The following IGSF21 variants were observed in gnomAD, a reference collection of about 807,000 sequenced individuals.
IGSF21 encodes the protein immunoglobulin superfamily member 21.
IGSF21 carries 28 observed loss-of-function variants against 46.8 expected under a neutral mutation model. The ratio of observed to expected loss-of-function variants is 0.60; its 90% confidence interval spans 0.44 to 0.82. The LOEUF is 0.82. Ranked by LOEUF, IGSF21 falls within the 40% of genes least tolerant of loss-of-function variation. The pLI, the probability that IGSF21 is intolerant of heterozygous loss-of-function variation, is 0.00. For synonymous variants in IGSF21, 284 were observed against 273.6 expected (o/e 1.04, Z -0.38); for missense variants, 624 against 665.5 (o/e 0.94, Z 0.69).
In IGSF21 at chr1:18,250,616, G is replaced by C. The variant is rs223199; in HGVS notation, c.183+22606G>C. On this transcript the variant is annotated intron_variant, in intron 2 of 9. Coordinates refer to ENST00000251296, the MANE Select transcript of IGSF21 (RefSeq NM_032880.5). ...TTATAAACTAGAAAGAGGATCGCCA[G>C]GTAGTTAAAGCCAGGTTGAAATCTC... is the stretch of plus-strand genomic sequence containing the variant. Among the ~76,000 whole-genome samples, 5 of 152,234 alleles carry C rather than the reference G, an allele frequency of 3.3e-5. No homozygotes were observed. In the South Asian group the frequency reaches 1.0e-3, roughly 32 times the overall value.
At chr1:18,173,664 T>G (rs2086764731) in intron 1 of IGSF21, among the ~76,000 whole-genome samples, 1 of 152,252 alleles carries the variant, frequency 6.6e-6, no homozygotes, top group Non-Finnish European at 1.5e-5. Flanking sequence ...TCATCCCTTT[T>G]TATTGCTGTG....
chr1:18,263,116 G>A (rs1487304576), intron 2 of IGSF21, among the ~76,000 whole-genome samples: 1 of 152,282 alleles, frequency 6.6e-6, no homozygotes, highest in Non-Finnish European at 1.5e-5. Flanking sequence ...AAGAGGAGAG[G>A]TCAATGGTGG....
intron 1 of IGSF21, among the ~76,000 whole-genome samples, chr1:18,130,162 C>T (rs375021832): frequency 1.3e-5 from 2 of 152,154 alleles, no homozygotes; most frequent in Non-Finnish European, 2.9e-5. Flanking sequence ...GCACTGGACA[C>T]CACCCCCCAA....
At chr1:18,371,057 G>A (rs948715282) in intron 6 of IGSF21, among the ~76,000 whole-genome samples, 9 of 152,232 alleles carry the variant, frequency 5.9e-5, no homozygotes, top group African/African-American at 2.2e-4. Context: ...ATGACCCAAC[G>A]ATTTCACTCC....
intron 2 of IGSF21, among the ~76,000 whole-genome samples, chr1:18,258,987 T>C (rs223186): frequency 0.41 from 62,977 of 152,032 alleles, 14,231 homozygotes; most frequent in African/African-American, 0.6. Flanking sequence ...TTTTTCCCTC[T>C]CTCTCCCTTT....
At chr1:18,122,322 C>G (rs1239120136) in intron 1 of IGSF21, among the ~76,000 whole-genome samples, 3 of 150,518 alleles carry the variant, frequency 2.0e-5, no homozygotes, top group African/African-American at 7.3e-5. Flanking sequence ...TCACGAGTAG[C>G]TGGGATTACA....
chr1:18,112,292 G>T (rs1570234772), intron 1 of IGSF21: 1 of 152,208 alleles, frequency 6.6e-6, no homozygotes, highest in Non-Finnish European at 1.5e-5. Context: ...GCCAGACACG[G>T]TGCTGAGCAT....
chr1:18,376,531 A>G (rs540099084), intron 7 of IGSF21, 136 bp downstream of exon 7: 4 of 769,770 alleles, frequency 5.2e-6, no homozygotes, highest in East Asian at 2.5e-5. Flanking sequence ...CAGTTTCCCA[A>G]TGTGTAATTG....
chr1:18,308,855 C>A (rs1007859241), intron 3 of IGSF21, among the ~76,000 whole-genome samples: 3 of 152,102 alleles, frequency 2.0e-5, no homozygotes, highest in African/African-American at 7.2e-5. Context: ...GCAGAAGAGA[C>A]CCTGGATTTC....
intron 2 of IGSF21, among the ~76,000 whole-genome samples, chr1:18,273,040 T>A (rs1286609641): frequency 1.1e-5 from 1 of 94,704 alleles, no homozygotes; most frequent in African/African-American, 6.3e-5. Context: ...CAGACGGATC[T>A]TTTTTTTTTT....
At chr1:18,316,631 C>T (rs1174220133) in intron 3 of IGSF21, among the ~76,000 whole-genome samples, 1 of 152,168 alleles carries the variant, frequency 6.6e-6, no homozygotes, top group African/African-American at 2.4e-5. Flanking sequence ...GGATAAGACC[C>T]TGATTTGATT....
intron 2 of IGSF21, among the ~76,000 whole-genome samples, chr1:18,281,314 C>G (rs1250137817): frequency 6.6e-6 from 1 of 152,072 alleles, no homozygotes; most frequent in Non-Finnish European, 1.5e-5. Context: ...AATCCCAACA[C>G]TTTGGGAGGC....
At chr1:18,372,883 TGG>T in intron 6 of IGSF21, among the ~76,000 whole-genome samples, 1 of 151,596 alleles carries the variant, frequency 6.6e-6, no homozygotes, top group South Asian at 2.1e-4. Context: ...GATGGATGGA[TGG>T]ATGGATGAGT....
In IGSF21 at chr1:18,115,834, GAAGGAAGGAAGAAAGA is replaced by G. The variant is rs1256589184; in HGVS notation, c.70+7640_70+7655del. 1.5e-3 allele frequency: 139 copies of G among 92,866 alleles called. 1 individual carries two copies. Among genetic ancestry groups the G allele is most frequent in the African/African-American group, 6.4e-3 (135 of 21,134 alleles). The allele number at this position is 92,866 out of a possible 1,614,324, so 5.8% of individuals were successfully genotyped here. On this transcript the variant is annotated intron_variant, in intron 1 of 9. Coordinates refer to ENST00000251296, the MANE Select transcript of IGSF21 (RefSeq NM_032880.5). ...GGGAGGAAGACAGGAAGGAAGGAAG[GAAGGAAGGAAGAAAGA>G]AAGAAAGAAAGAAAGAAAGAAAGAA...
Position 18,129,819 on chromosome 1 carries a change from C to T in IGSF21, c.70+21621C>T, listed in dbSNP as rs145168812. On this transcript the variant is annotated intron_variant, in intron 1 of 9. Transcript: ENST00000251296. ...ACTGTTAAGAGGTGATTAGGTCACG[C>T]GGGCTCCACACTCATGGGTCGGATT... is the stretch of plus-strand genomic sequence containing the variant. Among the ~76,000 whole-genome samples, 225 of 152,230 alleles carry T rather than the reference C, an allele frequency of 1.5e-3. 2 individuals are homozygous for T. The highest frequency in any genetic ancestry group is 4.9e-3 in the African/African-American group (203 of 41,540).
chr1:18,377,285 A>C, intron 8 of IGSF21, 108 bp from the exon 9 acceptor site: 1 of 1,014,194 alleles, frequency 9.9e-7, no homozygotes, highest in South Asian at 1.3e-5. Flanking sequence ...GGCTGCACTG[A>C]GACAGTGCGT....
rs184104561 is a variant in IGSF21, at chr1:18,351,261, C to T, written c.425-10854C>T. ...CTCGCTAAGTGGCAGTACTTCATTC[C>T]CCACCCTCGCATGAGACAGCCACCC... On this transcript the variant is annotated intron_variant, in intron 4 of 9. Coordinates refer to ENST00000251296, the MANE Select transcript of IGSF21 (RefSeq NM_032880.5). Among the ~76,000 whole-genome samples, 902 of 151,898 alleles carry T rather than the reference C, an allele frequency of 5.9e-3. 5 individuals are homozygous for T. Among genetic ancestry groups the T allele is most frequent in the African/African-American group, 0.021 (858 of 41,380 alleles).
intron 4 of IGSF21, among the ~76,000 whole-genome samples, chr1:18,359,168 A>G (rs548862666): frequency 2.6e-5 from 4 of 151,612 alleles, no homozygotes; most frequent in Admixed American, 1.3e-4. Flanking sequence ...CAGCTACTTG[A>G]GAGGCCGAGG....
At position 18,337,119 on chromosome 1, in the gene IGSF21, G is replaced by C. The variant is rs2085777131; in HGVS notation, c.424+2109G>C. Among the ~76,000 whole-genome samples, 1 of 152,080 alleles carries C rather than the reference G, an allele frequency of 6.6e-6. No individual in the cohort carries two copies. Among genetic ancestry groups the C allele is most frequent in the Non-Finnish European group, 1.5e-5 (1 of 68,020 alleles). Reference sequence around the variant, plus strand: ...TCATGTATCATCAGAGGGTTGACCAGACCATCCTACACTCCCTCCCAGCTC... The same window carrying C: ...TCATGTATCATCAGAGGGTTGACCACACCATCCTACACTCCCTCCCAGCTC... On this transcript the variant is annotated intron_variant, in intron 4 of 9. Coordinates refer to ENST00000251296, the MANE Select transcript of IGSF21 (RefSeq NM_032880.5). This position sits in a 1 kb window ranked among gnomAD's most constrained non-coding sequence, Gnocchi z 5.7.
Sources: gnomAD v4.1 joint callset for allele counts (sites outside exome capture counted in the v4.1 genomes callset) on GRCh38, gnomAD v4.1.1 for gene constraint, Gnocchi (gnomAD v3.1) non-coding constraint, MANE v1.5 for transcripts, NCBI Gene and HGNC (gene_info 2026-07-23, HGNC 2026-07-21) for gene names.